MCTP1: variants seen among roughly 807,000 people sequenced by gnomAD.
MCTP1 encodes multiple C2 and transmembrane domain containing 1.
MCTP1 carries 69 observed loss-of-function variants against 120.6 expected under a neutral mutation model. That is an observed-to-expected ratio of 0.57 (90% CI 0.47 to 0.70). The LOEUF is 0.70. Ranked by LOEUF, MCTP1 falls within the 30% of genes least tolerant of loss-of-function variation. The pLI is 0.00. For synonymous variants in MCTP1, 529 were observed against 493.1 expected (o/e 1.07, Z -0.96); for missense variants, 1,203 against 1,248.8 (o/e 0.96, Z 0.55).
At chr5:95,178,941 G>A (rs1748315012) in intron 1 of MCTP1, among the ~76,000 whole-genome samples, 1 of 152,076 alleles carries the variant, frequency 6.6e-6, no homozygotes, top group South Asian at 2.1e-4. Flanking sequence ...TACACGATAT[G>A]AGAGGAAAAA....
At position 94,705,325 on chromosome 5, in the gene MCTP1, C is replaced by T. The variant is rs1380089560; in HGVS notation, c.*2171G>A. On this transcript the variant is annotated 3_prime_UTR_variant, in exon 23 of 23. Coordinates refer to ENST00000515393, the MANE Select transcript of MCTP1 (RefSeq NM_024717.7). ...ATTTCCCTGAATATCACTTTTGTGC[C>T]TCAAGCTAGTTCTTATTCCTCTGTT... 1 of 151,398 alleles carries T rather than the reference C, an allele frequency of 6.6e-6. No individual in the cohort carries two copies. The highest frequency in any genetic ancestry group is 2.4e-5 in the African/African-American group (1 of 41,336). 9.4% of individuals were successfully genotyped at this position (151,398 alleles called of 1,614,324 possible).
At position 95,226,287 on chromosome 5, in the gene MCTP1, A is replaced by G. The variant is rs532882008; in HGVS notation, c.720+57569T>C. On this transcript the variant is annotated intron_variant, in intron 1 of 22. Coordinates refer to ENST00000515393, the MANE Select transcript of MCTP1 (RefSeq NM_024717.7). ...GGGAAAGCATGTTGTATATATTTAA[A>G]TAGAGTATTGTGGCTACGTTAATTT... is the stretch of plus-strand genomic sequence containing the variant. 2.0e-5 allele frequency among the ~76,000 whole-genome samples: 3 copies of G among 152,316 alleles called. No individual in the cohort carries two copies. The East Asian group carries it at 5.8e-4, about 29-fold the overall frequency.
intron 1 of MCTP1, among the ~76,000 whole-genome samples, chr5:95,039,087 C>T (rs565211102): frequency 6.6e-6 from 1 of 151,792 alleles, no homozygotes; most frequent in Non-Finnish European, 1.5e-5. Flanking sequence ...ACATACCTAA[C>T]AGAATTTTTG....
intron 1 of MCTP1, among the ~76,000 whole-genome samples, chr5:95,065,995 C>T (rs1432608533): frequency 6.6e-6 from 1 of 151,926 alleles, no homozygotes; most frequent in African/African-American, 2.4e-5. Context: ...GCAACAAAAG[C>T]AAAAATAAAG....
intron 1 of MCTP1, among the ~76,000 whole-genome samples, chr5:95,170,662 T>C (rs981251531): frequency 6.6e-6 from 1 of 152,226 alleles, no homozygotes; most frequent in African/African-American, 2.4e-5. Context: ...TACCATTATG[T>C]AATGGCCTTC....
At chr5:94,739,494 C>T (rs532381769) in intron 19 of MCTP1, 29 of 152,284 alleles carry the variant, frequency 1.9e-4, no homozygotes, top group African/African-American at 6.3e-4. Flanking sequence ...GCTTCAATGG[C>T]ATGGCATTCG....
chr5:94,719,920 A>G (rs1053430423), intron 19 of MCTP1, among the ~76,000 whole-genome samples: 2 of 152,260 alleles, frequency 1.3e-5, no homozygotes, highest in African/African-American at 4.8e-5. Flanking sequence ...ACCTGGGGTC[A>G]GGTGTTCGAG....
At chr5:95,146,546 C>A (rs1760412534) in intron 1 of MCTP1, among the ~76,000 whole-genome samples, 1 of 152,120 alleles carries the variant, frequency 6.6e-6, no homozygotes, top group Non-Finnish European at 1.5e-5. Context: ...TCTCAATATG[C>A]TTTAGCTGCA....
At chr5:94,787,392 G>T (rs1181748403) in intron 18 of MCTP1, among the ~76,000 whole-genome samples, 1 of 151,988 alleles carries the variant, frequency 6.6e-6, no homozygotes, top group Non-Finnish European at 1.5e-5. Context: ...ATTGCAAGGG[G>T]ACTATGGATA....
At chr5:94,870,273 A>G (rs955810737) in intron 16 of MCTP1, 144 bp downstream of exon 16, 12 of 585,582 alleles carry the variant, frequency 2.0e-5, no homozygotes, top group Non-Finnish European at 3.3e-5. Context: ...AAAGAATGAA[A>G]GAAAGCGCCA....
intron 1 of MCTP1, among the ~76,000 whole-genome samples, chr5:95,247,844 G>A (rs1756972049): frequency 6.6e-6 from 1 of 152,116 alleles, no homozygotes. Context: ...GTGTGATGTG[G>A]TACTGAGAAG....
intron 1 of MCTP1, among the ~76,000 whole-genome samples, chr5:95,213,374 A>G (rs1752636784): frequency 6.6e-6 from 1 of 152,242 alleles, no homozygotes; most frequent in Non-Finnish European, 1.5e-5. Flanking sequence ...GGATACAAAC[A>G]AATGGAAGAA....
chr5:94,769,519 A>G (rs1773589057), intron 19 of MCTP1, among the ~76,000 whole-genome samples: 1 of 152,162 alleles, frequency 6.6e-6, no homozygotes, highest in Admixed American at 6.5e-5. Flanking sequence ...CAGTAACCCC[A>G]TGAGGTTTTC....
At chr5:95,136,216 A>G (rs1022579866) in intron 1 of MCTP1, among the ~76,000 whole-genome samples, 3 of 152,166 alleles carry the variant, frequency 2.0e-5, no homozygotes, top group Non-Finnish European at 2.9e-5. Context: ...CCAATGAAAT[A>G]TCACTCCTCT....
intron 1 of MCTP1, among the ~76,000 whole-genome samples, chr5:95,066,963 C>T (rs771956612): frequency 2.6e-5 from 4 of 152,160 alleles, no homozygotes; most frequent in African/African-American, 4.8e-5. Flanking sequence ...AATCTACGGC[C>T]GCTGTTGATC....
In MCTP1 at chr5:95,000,191, G is replaced by A. The variant is rs147415103; in HGVS notation, c.838+17176C>T. ...ACACACATATTTGTGGCAAACTGAT[G>A]TAAAGCTACGGTGCTGCCAGTTACA... On this transcript the variant is annotated intron_variant, in intron 2 of 22. Coordinates refer to ENST00000515393, the MANE Select transcript of MCTP1 (RefSeq NM_024717.7). 6.1e-3 allele frequency among the ~76,000 whole-genome samples: 923 copies of A among 152,260 alleles called. 7 individuals carry two copies. Among genetic ancestry groups the A allele is most frequent in the African/African-American group, 0.021 (874 of 41,546 alleles).
intron 1 of MCTP1, among the ~76,000 whole-genome samples, chr5:95,150,524 C>G (rs1265041514): frequency 6.6e-6 from 1 of 152,096 alleles, no homozygotes; most frequent in Non-Finnish European, 1.5e-5. Flanking sequence ...GCAGTTTTAT[C>G]TAGTTACTTT....
chr5:95,260,462 T>C (rs1001709857), intron 1 of MCTP1, among the ~76,000 whole-genome samples: 3 of 152,170 alleles, frequency 2.0e-5, no homozygotes, highest in South Asian at 2.1e-4. Context: ...GGTTCCAGAC[T>C]GCGCAAAAGC....
At chr5:95,064,161 G>T (rs1180919126) in intron 1 of MCTP1, among the ~76,000 whole-genome samples, 1 of 152,230 alleles carries the variant, frequency 6.6e-6, no homozygotes, top group Non-Finnish European at 1.5e-5. Flanking sequence ...AGGGTTGACA[G>T]ACAATCCATT....
Sources: gnomAD v4.1 joint callset for allele counts (sites outside exome capture counted in the v4.1 genomes callset) on GRCh38, gnomAD v4.1.1 for gene constraint, MANE v1.5 for transcripts, NCBI Gene and HGNC (gene_info 2026-07-23, HGNC 2026-07-21) for gene names.